SLC22A16: variants seen among roughly 807,000 people sequenced by gnomAD.
The protein encoded by SLC22A16 is solute carrier family 22 member 16.
SLC22A16 carries 53 observed loss-of-function variants against 52.9 expected under a neutral mutation model. The ratio of observed to expected loss-of-function variants is 1.00; its 90% CI spans 0.80 to 1.26. The LOEUF is 1.26. Among genes scored for constraint, SLC22A16 ranks in the 50% most tolerant of loss-of-function variants. The pLI is 0.00. For synonymous variants in SLC22A16, 291 were observed against 268.8 expected (o/e 1.08, Z -0.81); for missense variants, 726 against 704.0 (o/e 1.03, Z -0.35).
In SLC22A16 at chr6:110,431,206, C is replaced by T. The variant is rs1438575530; in HGVS notation, c.1486G>A (p.Val496Met). Residue 496 changes from valine (V) to methionine (M), a missense_variant, in exon 7 of 8, where the codon GTG becomes ATG. By Grantham distance (21) the Val-to-Met change is conservative (BLOSUM62 1). Transcript: ENST00000368919. ...AAGATCCAAATGCTGCTGAGGTCCA[C>T]AGAGAACGGCGCCAGGATGCTGGCC... ...RLASILAPFSVDLSSIWIFIP... is the reference protein window; with the variant it reads ...RLASILAPFSMDLSSIWIFIP... 3 of 1,613,870 alleles carry T rather than the reference C, an allele frequency of 1.9e-6. No homozygotes were observed. The East Asian group carries it at 6.7e-5, about 36-fold the overall frequency.
intron 2 of SLC22A16, among the ~76,000 whole-genome samples, chr6:110,451,768 G>T (rs182741451): frequency 6.6e-6 from 1 of 152,224 alleles, no homozygotes; most frequent in African/African-American, 2.4e-5. Flanking sequence ...TTCCTGTAAT[G>T]AAGTCAAATT....
chr6:110,476,044 GACT>G (rs1277771258), intron 1 of SLC22A16: 4 of 455,826 alleles, frequency 8.8e-6, no homozygotes, highest in Non-Finnish European at 1.8e-5. Flanking sequence ...AACCAACTCT[GACT>G]AACGGTTGTC....
intron 6 of SLC22A16, 57 bp from the exon 7 acceptor site, chr6:110,431,327 G>A (rs1035244439): frequency 7.4e-5 from 107 of 1,452,746 alleles, no homozygotes; most frequent in Admixed American, 6.7e-5. Flanking sequence ...CAGGGATTGA[G>A]GGACCTGCTT....
chr6:110,448,498 A>T (rs1775259217), intron 2 of SLC22A16, among the ~76,000 whole-genome samples: 1 of 152,250 alleles, frequency 6.6e-6, no homozygotes. Context: ...TCCAACCAAC[A>T]GATTTGCTTG....
intron 3 of SLC22A16, among the ~76,000 whole-genome samples, chr6:110,445,052 T>C (rs1775115825): frequency 6.6e-6 from 1 of 152,134 alleles, no homozygotes; most frequent in Admixed American, 6.6e-5. Context: ...CTTCCACTGA[T>C]AATAATACTC....
chr6:110,427,213 A>G (rs1436551878), intron 7 of SLC22A16, among the ~76,000 whole-genome samples: 1 of 149,180 alleles, frequency 6.7e-6, no homozygotes, highest in Non-Finnish European at 1.5e-5. Context: ...GCACCACTGC[A>G]CTCCAACCTC....
chr6:110,457,096 T>A, intron 1 of SLC22A16, 79 bp from the exon 2 acceptor site: 1 of 1,354,430 alleles, frequency 7.4e-7, no homozygotes, highest in Non-Finnish European at 1.0e-6. Context: ...AGGGTCTCCA[T>A]CATGTTTATC....
chr6:110,476,390 A>C, intron 1 of SLC22A16, 132 bp downstream of exon 1: 1 of 1,380,094 alleles, frequency 7.2e-7, no homozygotes, highest in African/African-American at 1.5e-5. Context: ...CCGTGTCCCG[A>C]CTGCGCGGGG....
intron 2 of SLC22A16, among the ~76,000 whole-genome samples, chr6:110,455,215 G>A (rs781195790): frequency 5.3e-5 from 8 of 150,822 alleles, no homozygotes; most frequent in Non-Finnish European, 8.8e-5. Flanking sequence ...TTTATATCCC[G>A]TTTTTGTCAT....
At chr6:110,433,412 G>C (rs1203062826) in intron 6 of SLC22A16, among the ~76,000 whole-genome samples, 1 of 152,200 alleles carries the variant, frequency 6.6e-6, no homozygotes, top group Non-Finnish European at 1.5e-5. Flanking sequence ...GCAGGCAGGT[G>C]TGTGGGCATG....
chr6:110,458,661 C>T (rs576204970), intron 1 of SLC22A16, among the ~76,000 whole-genome samples: 51 of 152,214 alleles, frequency 3.4e-4, no homozygotes, highest in African/African-American at 9.2e-4. Context: ...AAGAGATTAG[C>T]GTATGAATCA....
At chr6:110,431,452 G>A (rs566795345) in intron 6 of SLC22A16, among the ~76,000 whole-genome samples, 182 bp from the exon 7 acceptor site, 139 of 152,294 alleles carry the variant, frequency 9.1e-4, no homozygotes, top group African/African-American at 3.3e-3. Flanking sequence ...ATTTTTACTC[G>A]ACTTTTTCTA....
intron 1 of SLC22A16, among the ~76,000 whole-genome samples, chr6:110,474,362 A>G (rs1171112045): frequency 6.6e-6 from 1 of 152,236 alleles, no homozygotes; most frequent in Non-Finnish European, 1.5e-5. Context: ...AGAGGACTAA[A>G]TAATCATCAC....
rs559796992 is a variant in SLC22A16 at position 110,442,183 on chromosome 6, C to T, written c.1183+61G>A. On this transcript the variant is annotated intron_variant, in intron 4 of 7. Transcript: ENST00000368919. Reference sequence around the variant, plus strand: ...TCAAATTCACACAGAAACAGACACACACACACAAATGGTAGAAATCTCACT... The same window carrying T: ...TCAAATTCACACAGAAACAGACACATACACACAAATGGTAGAAATCTCACT... 48 of 1,504,636 alleles carry T rather than the reference C, an allele frequency of 3.2e-5. No individual in the cohort carries two copies. The East Asian group carries it at 9.6e-4, about 30-fold the overall frequency. The allele number at this position is 1,504,636 out of a possible 1,614,324, so 93.2% of individuals were successfully genotyped here. A position where few individuals can be genotyped will look rare whatever the true frequency, so the allele number is the denominator to read the frequency against.
chr6:110,470,978 T>C (rs1489099040), intron 1 of SLC22A16, among the ~76,000 whole-genome samples: 1 of 152,140 alleles, frequency 6.6e-6, no homozygotes, highest in Non-Finnish European at 1.5e-5. Flanking sequence ...GAGGGTGACA[T>C]TTGTTATAAC....
At chr6:110,425,219 G>C (rs566241721) in intron 7 of SLC22A16, 134 bp from the exon 8 acceptor site, 4 of 1,517,670 alleles carry the variant, frequency 2.6e-6, no homozygotes, top group Non-Finnish European at 3.5e-6. Flanking sequence ...GTGATTACTC[G>C]GTGAGATCTT....
chr6:110,436,962 G>A (rs1774759828), intron 5 of SLC22A16, among the ~76,000 whole-genome samples: 1 of 152,152 alleles, frequency 6.6e-6, no homozygotes, highest in Non-Finnish European at 1.5e-5. Flanking sequence ...AAGGACAGCA[G>A]TGCCTCTGTC....
intron 3 of SLC22A16, among the ~76,000 whole-genome samples, chr6:110,444,569 CT>C (rs1302625198): frequency 5.9e-5 from 9 of 152,152 alleles, no homozygotes; most frequent in Non-Finnish European, 1.2e-4. Context: ...CTTTTAAAGA[CT>C]TTTTGTAAAC....
intron 1 of SLC22A16, among the ~76,000 whole-genome samples, chr6:110,474,068 C>G (rs992348969): frequency 1.3e-5 from 2 of 152,148 alleles, no homozygotes; most frequent in Non-Finnish European, 2.9e-5. Flanking sequence ...CTCATAGGAA[C>G]GTGAACCCCA....
Sources: allele counts gnomAD v4.1 joint callset (sites outside exome capture counted in the v4.1 genomes callset), GRCh38; gene constraint gnomAD v4.1.1; transcripts MANE v1.5; gene names NCBI Gene and HGNC (gene_info 2026-07-23, HGNC 2026-07-21).